The following HS6ST2 variants were observed in gnomAD, a reference collection of about 807,000 sequenced individuals.
The protein encoded by HS6ST2 is heparan sulfate 6-O-sulfotransferase 2.
HS6ST2 carries 17 observed loss-of-function variants against 33.0 expected under a neutral mutation model. The observed-to-expected ratio is 0.52, with a 90% CI of 0.35 to 0.77. The LOEUF (loss-of-function observed/expected upper bound fraction) is 0.77, where lower values mean the gene tolerates loss of function less well. HS6ST2 is among the 30% of genes least tolerant of loss of function. The pLI, the probability that HS6ST2 is intolerant of heterozygous loss-of-function variation, is 0.01. For synonymous variants in HS6ST2, 248 were observed against 237.1 expected, an observed-to-expected ratio of 1.05 and a Z score of -0.42; for missense variants, 519 against 551.7, an observed-to-expected ratio of 0.94 and a Z score of 0.59.
intron 2 of HS6ST2, among the ~76,000 whole-genome samples, chrX:132,825,208 T>C (rs918208013): frequency 2.7e-5 from 3 of 111,463 alleles, no homozygotes; most frequent in Non-Finnish European, 5.7e-5. Context: ...AAAAGGTCTC[T>C]GAGATCCCAG....
At chrX:132,747,477 G>A (rs2064655239) in intron 2 of HS6ST2, among the ~76,000 whole-genome samples, 1 of 111,607 alleles carries the variant, frequency 9.0e-6, no homozygotes, top group Non-Finnish European at 1.9e-5. Flanking sequence ...ATTAAAGCAT[G>A]CCCCTGCCTC....
intron 2 of HS6ST2, among the ~76,000 whole-genome samples, chrX:132,895,415 T>C (rs2066364182): frequency 9.0e-6 from 1 of 111,630 alleles, no homozygotes; most frequent in Admixed American, 9.6e-5. Flanking sequence ...AAATGTCATG[T>C]ATACTTCTCT....
intron 3 of HS6ST2, among the ~76,000 whole-genome samples, chrX:132,693,332 G>A (rs1602584568): frequency 1.8e-5 from 2 of 112,065 alleles, no homozygotes; most frequent in Non-Finnish European, 3.8e-5. Flanking sequence ...TGTAGAGGCC[G>A]ATGCTGCAGA....
intron 4 of HS6ST2, among the ~76,000 whole-genome samples, chrX:132,633,750 C>G (rs1226827290): frequency 8.9e-6 from 1 of 111,734 alleles, no homozygotes; most frequent in East Asian, 2.8e-4. Context: ...AGCATTTACC[C>G]CAGGGCTTCT....
At chrX:132,776,864 T>G (rs760960797) in intron 2 of HS6ST2, among the ~76,000 whole-genome samples, 1 of 110,355 alleles carries the variant, frequency 9.1e-6, no homozygotes, top group Non-Finnish European at 1.9e-5. Context: ...TCCCACTCAG[T>G]TTTTTAAAGG....
chrX:132,642,956 T>C lies in HS6ST2; in HGVS notation c.1068-13863A>G, dbSNP rs184926056. Among the ~76,000 whole-genome samples, 53 of 112,421 alleles carry C rather than the reference T, an allele frequency of 4.7e-4. 1 individual carries two copies. In the East Asian group the frequency reaches 5.3e-3, roughly 11 times the overall value. ...CTTCCCTGAAATCAGTGGCCTAGTA[T>C]TGGGGAGTCACGGGGCAGTTGCCCT... On this transcript the variant is annotated intron_variant, in intron 4 of 4. Coordinates refer to ENST00000370833, the MANE Select transcript of HS6ST2 (RefSeq NM_001394073.1).
chrX:132,712,949 C>T (rs898197433), intron 2 of HS6ST2, among the ~76,000 whole-genome samples: 3 of 110,831 alleles, frequency 2.7e-5, no homozygotes, highest in Non-Finnish European at 5.7e-5. Flanking sequence ...CACTTGAACC[C>T]GGGAGGAGGA....
At chrX:132,717,929 T>C (rs1214021257) in intron 2 of HS6ST2, among the ~76,000 whole-genome samples, 3 of 86,896 alleles carry the variant, frequency 3.5e-5, no homozygotes, top group Non-Finnish European at 6.9e-5. Context: ...GTCTTACCTG[T>C]AGTTTCAAAA....
chrX:132,940,315 C>A (rs1408076343), intron 2 of HS6ST2, among the ~76,000 whole-genome samples: 1 of 112,168 alleles, frequency 8.9e-6, no homozygotes, highest in Non-Finnish European at 1.9e-5. Context: ...TGAAATAGAT[C>A]ATTGACCTTA....
chrX:132,832,049 G>A (rs2065595211), intron 2 of HS6ST2, among the ~76,000 whole-genome samples: 1 of 111,414 alleles, frequency 9.0e-6, no homozygotes, highest in African/African-American at 3.3e-5. Flanking sequence ...ATGGTGAGGC[G>A]AGGAGAGCTA....
intron 2 of HS6ST2, among the ~76,000 whole-genome samples, 188 bp downstream of exon 2, chrX:132,956,620 C>A (rs1569506555): frequency 8.9e-6 from 1 of 112,747 alleles, no homozygotes; most frequent in Non-Finnish European, 1.9e-5. Context: ...GGGGCCGGAG[C>A]GGAAAGCCTT....
chrX:132,806,840 C>T (rs960996693), intron 2 of HS6ST2, among the ~76,000 whole-genome samples: 9 of 109,383 alleles, frequency 8.2e-5, no homozygotes, highest in African/African-American at 3.0e-4. Flanking sequence ...CATCTTATAC[C>T]CCTAATTGAA....
intron 2 of HS6ST2, among the ~76,000 whole-genome samples, chrX:132,768,969 A>C (rs1238357077): frequency 8.9e-6 from 1 of 112,423 alleles, no homozygotes; most frequent in Non-Finnish European, 1.9e-5. Flanking sequence ...TGCCTGTACG[A>C]ATCATCCACC....
chrX:132,645,853 C>T (rs1194680109), intron 4 of HS6ST2, among the ~76,000 whole-genome samples: 2 of 112,404 alleles, frequency 1.8e-5, no homozygotes, highest in African/African-American at 6.5e-5. Context: ...TTCTCTTCTA[C>T]TTCTAAAAAG....
intron 2 of HS6ST2, among the ~76,000 whole-genome samples, chrX:132,929,966 A>C (rs2066748997): frequency 9.0e-6 from 1 of 111,274 alleles, no homozygotes; most frequent in African/African-American, 3.3e-5. Context: ...AGATTGAAAA[A>C]GGGACTCAGT....
chrX:132,883,742 C>T (rs1346731485), intron 2 of HS6ST2, among the ~76,000 whole-genome samples: 1 of 111,193 alleles, frequency 9.0e-6, no homozygotes, highest in Non-Finnish European at 1.9e-5. Context: ...AGGAGCAGGA[C>T]TTCAGCAGCT....
intron 4 of HS6ST2, among the ~76,000 whole-genome samples, 193 bp downstream of exon 4, chrX:132,668,920 T>G (rs1189569352): frequency 9.0e-6 from 1 of 111,695 alleles, no homozygotes; most frequent in Admixed American, 9.5e-5. Context: ...CCCTCTTCCC[T>G]AGTTCTTCAT....
chrX:132,774,683 C>CT lies in HS6ST2; in HGVS notation c.948-66190dup, dbSNP rs200458512. Among the ~76,000 whole-genome samples the CT allele has an allele frequency of 7.3e-3, 814 of 110,785 alleles. 5 individuals carry two copies. The highest frequency in any genetic ancestry group is 0.025 in the African/African-American group (772 of 30,526). Reference sequence around the variant, plus strand: ...TAAAGGAGTTTCCCCTTCAAAGTAGCTTTTTTTTCTTTTTTGATCTGGAGT... The same window carrying CT: ...TAAAGGAGTTTCCCCTTCAAAGTAGCTTTTTTTTTCTTTTTTGATCTGGAGT... On this transcript the variant is annotated intron_variant, in intron 2 of 4. Coordinates refer to ENST00000370833, the MANE Select transcript of HS6ST2 (RefSeq NM_001394073.1).
At chrX:132,783,390 G>A (rs1326403309) in intron 2 of HS6ST2, among the ~76,000 whole-genome samples, 3 of 111,596 alleles carry the variant, frequency 2.7e-5, no homozygotes, top group Non-Finnish European at 5.6e-5. Flanking sequence ...GAGGGTGTCT[G>A]TAAATCTCTC....
Sources: gnomAD v4.1 joint callset for allele counts (sites outside exome capture counted in the v4.1 genomes callset) on GRCh38, gnomAD v4.1.1 for gene constraint, MANE v1.5 for transcripts, NCBI Gene and HGNC (gene_info 2026-07-23, HGNC 2026-07-21) for gene names.